Variants in PRAMEF2 observed in about 807,000 individuals in gnomAD.
PRAMEF2 encodes the protein PRAME family member 2.
PRAMEF2 carries 35 observed loss-of-function variants against 38.0 expected under a neutral mutation model. The ratio of observed to expected loss-of-function variants is 0.92; its 90% CI spans 0.70 to 1.22. The LOEUF is 1.22. Ranked by LOEUF, PRAMEF2 falls within the 50% of genes most tolerant of loss-of-function variation. The pLI is 0.00. For synonymous variants in PRAMEF2, 240 were observed against 232.4 expected (o/e 1.03, Z -0.30); for missense variants, 562 against 553.9 (o/e 1.01, Z -0.15).
rs577376561 is a variant in PRAMEF2 at position 12,861,892 on chromosome 1, T to A, written c.*113T>A. 7.1e-7 allele frequency: 1 copy of A among 1,410,542 alleles called. No individual in the cohort carries two copies. Among genetic ancestry groups the A allele is most frequent in the South Asian group, 1.5e-5 (1 of 65,474 alleles). The allele number at this position is 1,410,542 out of a possible 1,614,324, so 87.4% of individuals were successfully genotyped here. A position where few individuals can be genotyped will look rare whatever the true frequency, so the allele number is the denominator to read the frequency against. ...TTTCTCTTTTCTTATTTATTTCATT[T>A]TTTAATAATTCCAAAATTTTTATTA... On this transcript the variant is annotated 3_prime_UTR_variant, in exon 4 of 4. Transcript: ENST00000240189.
At chr1:12,860,322 T>C in intron 3 of PRAMEF2, 51 bp downstream of exon 3, 1 of 1,599,564 alleles carries the variant, frequency 6.3e-7, no homozygotes, top group Non-Finnish European at 8.5e-7. Context: ...AGACTTGTTC[T>C]GTTACAGCAA....
chr1:12,858,967 C>A lies in PRAMEF2; in HGVS notation c.-25-18C>A. The A allele has an allele frequency of 6.3e-7, 1 of 1,587,582 alleles. No homozygotes were observed. Among genetic ancestry groups the A allele is most frequent in the South Asian group, 1.1e-5 (1 of 88,886 alleles). On this transcript the variant is annotated intron_variant, in intron 1 of 3. Transcript: ENST00000240189. ...TTTGCCCTGAGAGTGATACATTCTC[C>A]CTGGATTTGTCTTCTAGAGATTTTT...
In PRAMEF2 at chr1:12,861,132, G is replaced by T. The variant is rs72472701; in HGVS notation, c.867-89G>T. 9.2e-3 allele frequency: 12,976 copies of T among 1,403,846 alleles called. 355 individuals carry two copies. The highest frequency in any genetic ancestry group is 0.026 in the South Asian group (2,000 of 76,896). The allele number at this position is 1,403,846 out of a possible 1,614,324, so 87.0% of individuals were successfully genotyped here. A position where few individuals can be genotyped will look rare whatever the true frequency, so the allele number is the denominator to read the frequency against. On this transcript the variant is annotated intron_variant, in intron 3 of 3. Coordinates refer to ENST00000240189, the MANE Select transcript of PRAMEF2 (RefSeq NM_023014.1). ...GATGGTGGGAACAAACTTGTGTTTG[G>T]TTGAAGCAGGTATTTTCCTTGAGGT...
rs373974495 is a variant in PRAMEF2, at chr1:12,861,291, C to G, written c.937C>G (p.Leu313Val). 3.7e-6 allele frequency: 6 copies of G among 1,607,532 alleles called. 2 individuals are homozygous for G. The Admixed American group carries it at 1.0e-4, about 28-fold the overall frequency. Residue 313 changes from leucine (L) to valine (V), a missense_variant, in exon 4 of 4, where the codon CTC (leucine) becomes GTC (valine). By Grantham distance (32) the Leu-to-Val change is conservative. Transcript: ENST00000240189. The part of the protein sequence containing the change: ...GNLLEEDLKC[L>V]SQFPSLGYLK... The stretch of plus-strand genomic sequence containing the variant: ...CCTATTAGAAGAGGACTTGAAGTGT[C>G]TCTCCCAGTTCCCAAGCCTCGGTTA...
At chr1:12,860,465 C>T (rs28608548) in intron 3 of PRAMEF2, among the ~76,000 whole-genome samples, 194 bp downstream of exon 3, 1 of 149,798 alleles carries the variant, frequency 6.7e-6, no homozygotes, top group Non-Finnish European at 1.5e-5. Flanking sequence ...CCAATAAGGG[C>T]AGAGGGGTCA....
In PRAMEF2 at chr1:12,861,407, C is replaced by T. The variant is rs376650368; in HGVS notation, c.1053C>T (p.Leu351=). 2.5e-5 allele frequency: 40 copies of T among 1,602,866 alleles called. 3 individuals carry two copies. The highest frequency in any genetic ancestry group is 1.4e-4 in the Admixed American group (8 of 57,908). ...GALLEKIAAS[L]ETLVLEGCQI... is the part of the protein sequence containing the mutation. The stretch of plus-strand genomic sequence containing the variant: ...TGCTAGAGAAAATTGCTGCCTCTCT[C>T]GAGACCCTCGTGTTAGAGGGCTGTC... The change falls in exon 4 of 4, where the codon CTC becomes CTT. Residue 351 remains leucine, a synonymous_variant. Coordinates refer to ENST00000240189, the MANE Select transcript of PRAMEF2 (RefSeq NM_023014.1).
chr1:12,859,550 C>A lies in PRAMEF2; in HGVS notation c.288-143C>A. On this transcript the variant is annotated intron_variant, in intron 2 of 3. Transcript: ENST00000240189. Reference sequence around the variant, plus strand: ...AATAGAAGTGGGGACCACTCAGAATCCAAAGGGAAAAGGGATTGAGAAAAG... The same window carrying A: ...AATAGAAGTGGGGACCACTCAGAATACAAAGGGAAAAGGGATTGAGAAAAG... 4.7e-6 allele frequency: 7 copies of A among 1,486,702 alleles called. No homozygotes were observed. The South Asian group carries it at 9.0e-5, about 19-fold the overall frequency. 92.1% of individuals were successfully genotyped at this position (1,486,702 alleles called of 1,614,324 possible).
intron 1 of PRAMEF2, among the ~76,000 whole-genome samples, chr1:12,857,919 A>G (rs1640473403): frequency 6.8e-6 from 1 of 146,920 alleles, no homozygotes; most frequent in South Asian, 2.2e-4. Flanking sequence ...TGCTGGCCTC[A>G]AACTCCTGAC....
intron 3 of PRAMEF2, among the ~76,000 whole-genome samples, chr1:12,861,005 C>G (rs536787037): frequency 6.7e-6 from 1 of 149,392 alleles, no homozygotes; most frequent in African/African-American, 2.5e-5. Flanking sequence ...TGGCCTTGAC[C>G]CAATCACACA....
At chr1:12,861,132 G>C (rs72472701) in intron 3 of PRAMEF2, 89 bp from the exon 4 acceptor site, 70,235 of 1,397,630 alleles carry the variant, frequency 0.05, 2 homozygotes, top group East Asian at 0.2. Context: ...CTTGTGTTTG[G>C]TTGAAGCAGG....
At chr1:12,858,395 T>C (rs1267192370) in intron 1 of PRAMEF2, among the ~76,000 whole-genome samples, 2 of 150,122 alleles carry the variant, frequency 1.3e-5, no homozygotes, top group African/African-American at 4.9e-5. Flanking sequence ...AGAGACATGG[T>C]TTCATTATGT....
rs1221594684 is a variant in PRAMEF2, at chr1:12,858,982, T to C, written c.-25-3T>C. On this transcript the variant is annotated splice_polypyrimidine_tract_variant and splice_region_variant and intron_variant, in intron 1 of 3. Coordinates refer to ENST00000240189, the MANE Select transcript of PRAMEF2 (RefSeq NM_023014.1). Reference sequence around the variant, plus strand: ...ATACATTCTCCCTGGATTTGTCTTCTAGAGATTTTTCTTGCAGATCCATCA... The same window carrying C: ...ATACATTCTCCCTGGATTTGTCTTCCAGAGATTTTTCTTGCAGATCCATCA... 2 of 1,595,458 alleles carry C rather than the reference T, an allele frequency of 1.3e-6. No individual in the cohort carries two copies. Among genetic ancestry groups the C allele is most frequent in the East Asian group, 2.2e-5 (1 of 44,694 alleles).
rs1186993293 is a variant in PRAMEF2 at position 12,860,876 on chromosome 1, T to C, written c.867-345T>C. Among the ~76,000 whole-genome samples the C allele has an allele frequency of 2.0e-5, 3 of 150,064 alleles. No individual in the cohort carries two copies. In the East Asian group the frequency reaches 5.8e-4, roughly 29 times the overall value. ...GCCCCTGCCGACATGTAGCCCTAGCTGATGTCCCTAGACCTTGCTGAGTTG... is the reference window on the plus strand; with the variant it reads ...GCCCCTGCCGACATGTAGCCCTAGCCGATGTCCCTAGACCTTGCTGAGTTG... On this transcript the variant is annotated intron_variant, in intron 3 of 3. Transcript: ENST00000240189.
At position 12,859,697 on chromosome 1, in the gene PRAMEF2, T is replaced by C. The variant is rs74056159; in HGVS notation, c.292T>C (p.Trp98Arg). 1 of 1,606,460 alleles carries C rather than the reference T, an allele frequency of 6.2e-7. No individual in the cohort carries two copies. Residue 98 changes from tryptophan (W) to arginine (R), a missense_variant, in exon 3 of 4, where the codon TGG becomes CGG. Trp to Arg is a moderately radical substitution (Grantham distance 101). Around this residue, in one of 2 missense-constraint regions of PRAMEF2, gnomAD observed 486 missense variants for 444.2 expected, o/e 1.09. Coordinates refer to ENST00000240189, the MANE Select transcript of PRAMEF2 (RefSeq NM_023014.1). ...TCTCCCTTACTTTACCCACAGGAGG[T>C]GGAAACTTCAAGTGCTGGATTTGCG... is the stretch of plus-strand genomic sequence containing the variant. ...LLTQKDRPRR[W>R]KLQVLDLRDV...
chr1:12,859,380 T>C, intron 2 of PRAMEF2, 84 bp downstream of exon 2: 1 of 1,599,074 alleles, frequency 6.3e-7, no homozygotes. Flanking sequence ...GTAACCCAAG[T>C]GCGGCCCAGA....
rs376186859 is a variant in PRAMEF2, at chr1:12,860,050, G to T, written c.645G>T (p.Thr215=). The part of the protein sequence containing the change: ...NSIGELEIHN[T]CWPHLIRKLY... The stretch of plus-strand genomic sequence containing the variant: ...TTGGGGAGCTGGAAATTCACAACAC[G>T]TGCTGGCCACATCTGATAAGAAAGC... Residue 215 remains threonine, a synonymous_variant, in exon 3 of 4, where the codon ACG becomes ACT. Transcript: ENST00000240189. The T allele has an allele frequency of 6.2e-6, 10 of 1,606,648 alleles. No homozygotes were observed. The highest frequency in any genetic ancestry group is 2.7e-5 in the African/African-American group (2 of 74,272).
chr1:12,857,914 G>T lies in PRAMEF2; in HGVS notation c.-26+767G>T, dbSNP rs564572341. The stretch of plus-strand genomic sequence containing the variant: ...GGGTTTTGCCATGTTGGCCATGCTG[G>T]CCTCAAACTCCTGACCTCAGGAGAT... On this transcript the variant is annotated intron_variant, in intron 1 of 3. Coordinates refer to ENST00000240189, the MANE Select transcript of PRAMEF2 (RefSeq NM_023014.1). Among the ~76,000 whole-genome samples the T allele has an allele frequency of 5.4e-3, 788 of 146,766 alleles. 27 individuals are homozygous for T. Among genetic ancestry groups the T allele is most frequent in the African/African-American group, 0.015 (613 of 39,674 alleles).
chr1:12,860,863 A>G lies in PRAMEF2; in HGVS notation c.867-358A>G, dbSNP rs574170600. ...GGCATGTCAGGGAGCCCCTGCCGAC[A>G]TGTAGCCCTAGCTGATGTCCCTAGA... On this transcript the variant is annotated intron_variant, in intron 3 of 3. Coordinates refer to ENST00000240189, the MANE Select transcript of PRAMEF2 (RefSeq NM_023014.1). Among the ~76,000 whole-genome samples the G allele has an allele frequency of 1.0e-4, 15 of 150,182 alleles. 1 individual carries two copies. The highest frequency in any genetic ancestry group is 3.7e-4 in the African/African-American group (15 of 40,846).
At chr1:12,860,296 A>T (rs1254800716) in intron 3 of PRAMEF2, 25 bp downstream of exon 3, 3 of 1,603,798 alleles carry the variant, frequency 1.9e-6, no homozygotes, top group South Asian at 1.1e-5. Context: ...TGCACTTTGT[A>T]TGCAGACCAC....
Sources: gnomAD v4.1 joint callset for allele counts (sites outside exome capture counted in the v4.1 genomes callset) on GRCh38, gnomAD v4.1.1 for gene constraint, gnomAD v4.1.1 regional missense constraint, MANE v1.5 for transcripts, NCBI Gene and HGNC (gene_info 2026-07-23, HGNC 2026-07-21) for gene names.